Variants in BANK1 observed in about 807,000 individuals in gnomAD.
BANK1 encodes the protein B-cell scaffold protein with ankyrin repeats.
Under a neutral mutation model 94.5 loss-of-function variants are expected in BANK1, and 95 were observed. The ratio of observed to expected loss-of-function variants is 1.00; its 90% CI spans 0.85 to 1.19. The LOEUF (loss-of-function observed/expected upper bound fraction) is 1.19. BANK1 is among the 50% of genes most tolerant of loss of function. BANK1 has a pLI of 0.00. For missense variants in BANK1, 987 were observed against 932.2 expected, an observed-to-expected ratio of 1.06 and a Z score of -0.77; for synonymous variants, 334 against 308.4, an observed-to-expected ratio of 1.08 and a Z score of -0.87.
At chr4:102,029,403 A>G (rs1335807836) in intron 9 of BANK1, among the ~76,000 whole-genome samples, 1 of 151,888 alleles carries the variant, frequency 6.6e-6, no homozygotes, top group Non-Finnish European at 1.5e-5. Context: ...AATGAAAAAA[A>G]AAATCTAAGA....
At chr4:101,983,883 C>T (rs139933905) in intron 7 of BANK1, among the ~76,000 whole-genome samples, 2,091 of 151,976 alleles carry the variant, frequency 0.014, 37 homozygotes, top group Middle Eastern at 0.02. Flanking sequence ...AGCATTAATG[C>T]TTTGGCAAGG....
At chr4:101,799,651 G>A (rs532517937) in intron 1 of BANK1, among the ~76,000 whole-genome samples, 1 of 152,246 alleles carries the variant, frequency 6.6e-6, no homozygotes, top group East Asian at 1.9e-4. Flanking sequence ...AAGGTGGGCG[G>A]ATCACGAGGT....
intron 6 of BANK1, among the ~76,000 whole-genome samples, chr4:101,914,283 A>G (rs1040424727): frequency 6.6e-6 from 1 of 152,000 alleles, no homozygotes; most frequent in African/African-American, 2.4e-5. Context: ...TAAGTCATAG[A>G]CTTGAATGGT....
In BANK1 at chr4:102,021,577, T is replaced by G; in HGVS notation, c.1270T>G (p.Ser424Ala). ...NDYEEDIASF[S>A]TYIPSTQNPA... is the part of the protein sequence containing the mutation. ...TTATGAAGAGGATATTGCCTCATTT[T>G]CCACATATATTCCTTGTAAGTTTTT... The change falls in exon 8 of 17, where the codon TCC (serine) becomes GCC (alanine). Residue 424 changes from serine to alanine, a missense_variant. Physicochemically the swap from Ser to Ala is moderately conservative, Grantham distance 99. Coordinates refer to ENST00000322953, the MANE Select transcript of BANK1 (RefSeq NM_017935.5). 7.0e-7 allele frequency: 1 copy of G among 1,424,644 alleles called. No individual in the cohort carries two copies. The highest frequency in any genetic ancestry group is 9.5e-7 in the Non-Finnish European group (1 of 1,052,230). The allele number at this position is 1,424,644 out of a possible 1,614,324, so 88.3% of individuals were successfully genotyped here. A position where few individuals can be genotyped will look rare whatever the true frequency, so the allele number is the denominator to read the frequency against.
At chr4:101,845,207 C>G (rs908703778) in intron 2 of BANK1, among the ~76,000 whole-genome samples, 1 of 151,444 alleles carries the variant, frequency 6.6e-6, no homozygotes, top group Non-Finnish European at 1.5e-5. Flanking sequence ...GCTCACATAC[C>G]CCATAAATAT....
intron 7 of BANK1, among the ~76,000 whole-genome samples, chr4:101,928,047 G>A (rs1407335181): frequency 6.6e-6 from 1 of 151,586 alleles, no homozygotes; most frequent in Non-Finnish European, 1.5e-5. Flanking sequence ...AACAACATGT[G>A]TATGTATATT....
chr4:101,950,060 T>TGTGTGTGTGC (rs369393040), intron 7 of BANK1, among the ~76,000 whole-genome samples: 125 of 139,486 alleles, frequency 9.0e-4, no homozygotes, highest in African/African-American at 3.3e-3. Flanking sequence ...TGTGTGTGTG[T>TGTGTGTGTGC]GCGCGTGCGC....
At chr4:102,036,729 C>G (rs1467265669) in intron 10 of BANK1, 1 of 152,144 alleles carries the variant, frequency 6.6e-6, no homozygotes, top group Non-Finnish European at 1.5e-5. Flanking sequence ...CTCGTGTAAC[C>G]CAGGTGTTCT....
chr4:102,038,151 T>G (rs1352388463), intron 10 of BANK1, among the ~76,000 whole-genome samples: 1 of 152,166 alleles, frequency 6.6e-6, no homozygotes, highest in Admixed American at 6.5e-5. Flanking sequence ...ATCAAATAGC[T>G]GATCTTTAAA....
At chr4:101,959,109 T>C (rs1288471391) in intron 7 of BANK1, among the ~76,000 whole-genome samples, 1 of 151,542 alleles carries the variant, frequency 6.6e-6, no homozygotes, top group Admixed American at 6.6e-5. Flanking sequence ...AAACTATTAT[T>C]ATTCTGCTTC....
At chr4:101,935,346 T>C (rs1312134681) in intron 7 of BANK1, among the ~76,000 whole-genome samples, 2 of 151,532 alleles carry the variant, frequency 1.3e-5, no homozygotes, top group Admixed American at 1.3e-4. Context: ...CAAATTGAAA[T>C]GTAAATCTTT....
At chr4:101,920,979 G>A (rs539138465) in intron 7 of BANK1, among the ~76,000 whole-genome samples, 1 of 151,904 alleles carries the variant, frequency 6.6e-6, no homozygotes, top group East Asian at 2.0e-4. Context: ...AGAAAGGAGA[G>A]AAGGAGGAGA....
intron 13 of BANK1, among the ~76,000 whole-genome samples, chr4:102,065,225 A>G (rs1258531135): frequency 6.6e-6 from 1 of 152,198 alleles, no homozygotes; most frequent in Non-Finnish European, 1.5e-5. Context: ...AGTAAGAACT[A>G]TGATTTAGAG....
At chr4:101,946,653 C>T (rs1031436939) in intron 7 of BANK1, among the ~76,000 whole-genome samples, 1 of 151,932 alleles carries the variant, frequency 6.6e-6, no homozygotes, top group African/African-American at 2.4e-5. Context: ...AAGTTTGCAG[C>T]CTCAGTCATA....
At chr4:102,008,861 A>T (rs1216623442) in intron 7 of BANK1, among the ~76,000 whole-genome samples, 2 of 152,212 alleles carry the variant, frequency 1.3e-5, no homozygotes, top group Non-Finnish European at 2.9e-5. Flanking sequence ...GCCAGATGTC[A>T]AAATGTAGCT....
chr4:102,045,039 A>G (rs1411318998), intron 11 of BANK1, among the ~76,000 whole-genome samples: 1 of 151,532 alleles, frequency 6.6e-6, no homozygotes, highest in East Asian at 1.9e-4. Context: ...TAGTTTAATT[A>G]GATCCCATTT....
chr4:101,995,594 C>T (rs1158097297), intron 7 of BANK1, among the ~76,000 whole-genome samples: 1 of 152,298 alleles, frequency 6.6e-6, no homozygotes, highest in African/African-American at 2.4e-5. Context: ...TCTCCACATC[C>T]TCTCCAGCAT....
chr4:102,024,759 T>C lies in BANK1; in HGVS notation c.1286-442T>C, dbSNP rs2148948003. Among the ~76,000 whole-genome samples the C allele has an allele frequency of 1.3e-5, 2 of 152,278 alleles. 1 individual carries two copies. The highest frequency in any genetic ancestry group is 4.8e-5 in the African/African-American group (2 of 41,580). ...CTGTAAAGATCAATATATATTAAAA[T>C]AACTAAATAAGAGTCAGATTCATTT... is the stretch of plus-strand genomic sequence containing the variant. On this transcript the variant is annotated intron_variant, in intron 8 of 16. Coordinates refer to ENST00000322953, the MANE Select transcript of BANK1 (RefSeq NM_017935.5).
At chr4:102,039,112 G>GCCACA (rs1472902823) in intron 10 of BANK1, among the ~76,000 whole-genome samples, 1 of 152,028 alleles carries the variant, frequency 6.6e-6, no homozygotes, top group Non-Finnish European at 1.5e-5. Context: ...AAAAAATAAT[G>GCCACA]CCACAACTCC....
Sources: allele counts gnomAD v4.1 joint callset (sites outside exome capture counted in the v4.1 genomes callset), GRCh38; gene constraint gnomAD v4.1.1; transcripts MANE v1.5; gene names NCBI Gene and HGNC (gene_info 2026-07-23, HGNC 2026-07-21).